The following PCLO variants were observed in gnomAD, a reference collection of about 807,000 sequenced individuals.
The protein encoded by PCLO is piccolo presynaptic cytomatrix protein.
Under a neutral mutation model 427.5 loss-of-function variants are expected in PCLO, and 82 were observed. The ratio of observed to expected loss-of-function variants is 0.19; its 90% CI spans 0.16 to 0.23. The LOEUF (loss-of-function observed/expected upper bound fraction) is 0.23, where lower values mean the gene tolerates loss of function less well. Among genes scored for constraint, PCLO ranks in the 10% least tolerant of loss-of-function variants. PCLO has a pLI of 1.00. For missense variants in PCLO, 6,239 were observed against 6,115.9 expected (o/e 1.02, Z -0.67); for synonymous variants, 2,357 against 2,155.4 (o/e 1.09, Z -2.59).
chr7:83,026,151 C>T (rs1352741822), intron 3 of PCLO, among the ~76,000 whole-genome samples: 2 of 151,708 alleles, frequency 1.3e-5, no homozygotes, highest in Non-Finnish European at 2.9e-5. Context: ...TTAAAAGACA[C>T]AGACTGGCAA....
At chr7:82,762,720 C>T (rs940817584) in intron 22 of PCLO, among the ~76,000 whole-genome samples, 5 of 151,760 alleles carry the variant, frequency 3.3e-5, no homozygotes, top group South Asian at 2.1e-4. Flanking sequence ...AATAGAGGTA[C>T]TGTTTTATAT....
At position 82,922,797 on chromosome 7, in the gene PCLO, A is replaced by G. The variant is rs553403696; in HGVS notation, c.11113-5924T>C. Among the ~76,000 whole-genome samples the G allele has an allele frequency of 5.3e-5, 8 of 152,224 alleles. No individual in the cohort carries two copies. In the East Asian group the frequency reaches 1.3e-3, roughly 26 times the overall value. ...TTTTGCTAAATAGTTCTCAGTGTCAATATCAAAGATATACTTCTAAACCAT... is the reference window on the plus strand; with the variant it reads ...TTTTGCTAAATAGTTCTCAGTGTCAGTATCAAAGATATACTTCTAAACCAT... On this transcript the variant is annotated intron_variant, in intron 6 of 24. Coordinates refer to ENST00000333891, the MANE Select transcript of PCLO (RefSeq NM_033026.6).
intron 3 of PCLO, among the ~76,000 whole-genome samples, chr7:83,093,994 T>C (rs1174755138): frequency 1.3e-5 from 2 of 151,824 alleles, no homozygotes; most frequent in African/African-American, 2.4e-5. Flanking sequence ...CTGTTTTAGT[T>C]AAGATACAGA....
chr7:83,038,078 T>G (rs1788870890), intron 3 of PCLO, among the ~76,000 whole-genome samples: 1 of 79,624 alleles, frequency 1.3e-5, no homozygotes, highest in African/African-American at 4.6e-5. Flanking sequence ...TATATTTATA[T>G]ATATATCTTT....
intron 3 of PCLO, among the ~76,000 whole-genome samples, chr7:83,114,389 G>A (rs1302721905): frequency 3.9e-5 from 6 of 151,998 alleles, no homozygotes; most frequent in African/African-American, 7.2e-5. Context: ...AAAGATGTGG[G>A]GGTAGTGAAG....
At chr7:82,843,211 T>G (rs1792411851) in intron 13 of PCLO, among the ~76,000 whole-genome samples, 1 of 152,084 alleles carries the variant, frequency 6.6e-6, no homozygotes, top group Non-Finnish European at 1.5e-5. Context: ...CAACAGAATA[T>G]TATTTAGCCT....
chr7:83,093,492 A>ATATATATATATATATATTTTTTT, intron 3 of PCLO, among the ~76,000 whole-genome samples: 3 of 59,310 alleles, frequency 5.1e-5, no homozygotes, highest in Non-Finnish European at 6.5e-5. Context: ...ATATATATAT[A>ATATATATATATATATATTTTTTT]TTTTTTTTTT....
At chr7:82,774,867 G>GC (rs988322393) in intron 22 of PCLO, among the ~76,000 whole-genome samples, 13 of 152,016 alleles carry the variant, frequency 8.6e-5, no homozygotes, top group Non-Finnish European at 1.6e-4. Flanking sequence ...GTATTTTACT[G>GC]CCCCCCAAGT....
intron 3 of PCLO, among the ~76,000 whole-genome samples, chr7:82,969,272 T>C (rs1314262989): frequency 6.6e-6 from 1 of 152,174 alleles, no homozygotes; most frequent in Non-Finnish European, 1.5e-5. Flanking sequence ...AATATTTCAT[T>C]GTCCCAATTT....
At chr7:82,930,205 C>T (rs1794809515) in intron 6 of PCLO, among the ~76,000 whole-genome samples, 1 of 152,000 alleles carries the variant, frequency 6.6e-6, no homozygotes, top group Non-Finnish European at 1.5e-5. Context: ...TTCCTGGTGG[C>T]AGGACACATG....
chr7:82,915,278 G>A lies in PCLO; in HGVS notation c.12708C>T (p.Leu4236=). 5.0e-6 allele frequency: 8 copies of A among 1,613,576 alleles called. No individual in the cohort carries two copies. The highest frequency in any genetic ancestry group is 1.3e-5 in the African/African-American group (1 of 75,024). The stretch of plus-strand genomic sequence containing the variant: ...GGCCAAAAGTGATGTCATCTTGAAG[G>A]AGCCTTGCCCTGGAGGAAATGCCAC... ...SIGGISSRAR[L]LQDDITFGLR... Residue 4236 remains leucine (L), a synonymous_variant, in exon 7 of 25, where the codon CTC becomes CTT. Coordinates refer to ENST00000333891, the MANE Select transcript of PCLO (RefSeq NM_033026.6).
chr7:82,907,514 T>G (rs1015428984), intron 8 of PCLO, among the ~76,000 whole-genome samples: 2 of 152,020 alleles, frequency 1.3e-5, no homozygotes, highest in Admixed American at 6.6e-5. Flanking sequence ...ATTTTATTAA[T>G]TTTCTTACTT....
At position 83,108,726 on chromosome 7, in the gene PCLO, C is replaced by T. The variant is rs113576664; in HGVS notation, c.3300+25524G>A. ...CACCTCCTCATTTTTTTACCTGGGT[C>T]AGGATTAATCAATATACATCATAAT... On this transcript the variant is annotated intron_variant, in intron 3 of 24. Coordinates refer to ENST00000333891, the MANE Select transcript of PCLO (RefSeq NM_033026.6). 4.2e-3 allele frequency among the ~76,000 whole-genome samples: 633 copies of T among 151,716 alleles called. 2 individuals are homozygous for T. The highest frequency in any genetic ancestry group is 0.014 in the African/African-American group (588 of 41,406).
At chr7:82,822,211 C>T in intron 20 of PCLO, 1 of 1,256,464 alleles carries the variant, frequency 8.0e-7, no homozygotes, top group Non-Finnish European at 1.0e-6. Context: ...TGCTTTGCTT[C>T]CAAACATCAC....
At chr7:82,829,504 A>G (rs562558930) in intron 16 of PCLO, among the ~76,000 whole-genome samples, 2 of 152,146 alleles carry the variant, frequency 1.3e-5, no homozygotes, top group Non-Finnish European at 2.9e-5. Context: ...ATAAAGCAGC[A>G]TTCCTCGCAC....
intron 4 of PCLO, among the ~76,000 whole-genome samples, chr7:82,960,880 T>C (rs1795641807): frequency 6.6e-6 from 1 of 152,164 alleles, no homozygotes; most frequent in Admixed American, 6.6e-5. Context: ...GAGAGATGGA[T>C]AATTATAATA....
intron 10 of PCLO, among the ~76,000 whole-genome samples, chr7:82,849,530 T>C (rs949240797): frequency 2.2e-4 from 33 of 152,140 alleles, no homozygotes; most frequent in African/African-American, 7.5e-4. Context: ...ATATTTTCCT[T>C]TTCTATTGTC....
chr7:83,126,781 G>A (rs1044209836), intron 3 of PCLO, among the ~76,000 whole-genome samples: 12 of 151,936 alleles, frequency 7.9e-5, no homozygotes, highest in Non-Finnish European at 1.3e-4. Flanking sequence ...TAATAAACTC[G>A]TGATGTTGAT....
intron 3 of PCLO, among the ~76,000 whole-genome samples, chr7:83,107,974 T>C (rs557034152): frequency 9.0e-6 from 1 of 110,840 alleles, no homozygotes; most frequent in South Asian, 2.8e-4. Context: ...GGTGACAGAG[T>C]GAGACTCCGT....
Sources: gnomAD v4.1 joint callset for allele counts (sites outside exome capture counted in the v4.1 genomes callset) on GRCh38, gnomAD v4.1.1 for gene constraint, MANE v1.5 for transcripts, NCBI Gene and HGNC (gene_info 2026-07-23, HGNC 2026-07-21) for gene names.